The following DMXL2 variants were observed in gnomAD, a reference collection of about 807,000 sequenced individuals.
DMXL2 encodes the protein dmX-like protein 2.
DMXL2 carries 103 observed loss-of-function variants against 331.1 expected under a neutral mutation model. The observed-to-expected ratio is 0.31, with a 90% CI of 0.27 to 0.37. The LOEUF is 0.37. DMXL2 is among the 10% of genes least tolerant of loss of function. DMXL2 has a pLI of 1.00. For synonymous variants in DMXL2, 1,281 were observed against 1,252.1 expected (o/e 1.02, Z -0.49); for missense variants, 3,171 against 3,642.9 (o/e 0.87, Z 3.33).
At position 51,580,039 on chromosome 15, in the gene DMXL2, G is replaced by T. The variant is rs556452059; in HGVS notation, c.88-3858C>A. ...TTGCATTGCCCTACCTCTATTCCAT[G>T]AAGATCCTGTTGGTGCTAGAAGGAG... On this transcript the variant is annotated intron_variant, in intron 1 of 43. Transcript: ENST00000560891. Among the ~76,000 whole-genome samples the T allele has an allele frequency of 1.2e-3, 180 of 152,242 alleles. 2 individuals carry two copies. Among genetic ancestry groups the T allele is most frequent in the African/African-American group, 4.3e-3 (179 of 41,548 alleles).
At chr15:51,478,167 T>C (rs923314642) in intron 26 of DMXL2, 104 bp downstream of exon 26, 1 of 801,594 alleles carries the variant, frequency 1.2e-6, no homozygotes, top group Non-Finnish European at 1.9e-6. Context: ...ATGGCTGTCA[T>C]ATTTAGGGAT....
chr15:51,462,588 C>T (rs1019072937), intron 33 of DMXL2, among the ~76,000 whole-genome samples: 29 of 152,122 alleles, frequency 1.9e-4, no homozygotes, highest in African/African-American at 6.8e-4. Context: ...CTGCCCGCCT[C>T]GGCCTCCCAA....
intron 33 of DMXL2, among the ~76,000 whole-genome samples, chr15:51,462,571 A>C (rs1231006222): frequency 6.6e-6 from 1 of 152,148 alleles, no homozygotes; most frequent in African/African-American, 2.4e-5. Flanking sequence ...TCCTGACTTC[A>C]GGTGATCTGC....
intron 1 of DMXL2, among the ~76,000 whole-genome samples, chr15:51,597,605 C>T (rs1268118693): frequency 1.3e-5 from 2 of 152,164 alleles, no homozygotes; most frequent in Non-Finnish European, 1.5e-5. Flanking sequence ...TATGAACATT[C>T]TTGTAGGGAA....
At chr15:51,532,430 A>G (rs879579338) in intron 13 of DMXL2, among the ~76,000 whole-genome samples, 5 of 152,146 alleles carry the variant, frequency 3.3e-5, no homozygotes, top group East Asian at 1.9e-4. Flanking sequence ...AATGTGTACA[A>G]AAAAATAGTT....
At position 51,575,911 on chromosome 15, in the gene DMXL2, A is replaced by G. The variant is rs2050994542; in HGVS notation, c.213+145T>C. The G allele has an allele frequency of 5.2e-6, 4 of 763,780 alleles. No homozygotes were observed. In the Admixed American group the frequency reaches 1.1e-4, roughly 21 times the overall value. The allele number at this position is 763,780 out of a possible 1,614,324, so 47.3% of individuals were successfully genotyped here. A position where few individuals can be genotyped will look rare whatever the true frequency, so the allele number is the denominator to read the frequency against. Reference sequence around the variant, plus strand: ...TAATGGCACTTTACAATTTGTATAAACCTATCACTTTGCAACTTCTGCTAA... The same window carrying G: ...TAATGGCACTTTACAATTTGTATAAGCCTATCACTTTGCAACTTCTGCTAA... On this transcript the variant is annotated intron_variant, in intron 2 of 43. Coordinates refer to ENST00000560891, the MANE Select transcript of DMXL2 (RefSeq NM_001378457.1).
chr15:51,496,667 A>G (rs530439067), intron 18 of DMXL2, among the ~76,000 whole-genome samples: 2 of 152,348 alleles, frequency 1.3e-5, no homozygotes, highest in Non-Finnish European at 2.9e-5. Flanking sequence ...AGCAGTTAGG[A>G]GATGACAGGG....
At chr15:51,459,540 A>C (rs564456641) in intron 34 of DMXL2, 58 bp downstream of exon 34, 34 of 1,261,364 alleles carry the variant, frequency 2.7e-5, no homozygotes, top group Non-Finnish European at 3.3e-5. Context: ...ATCAGAGATG[A>C]GGCGTTAGCT....
At chr15:51,581,735 GACC>G (rs2051434626) in intron 1 of DMXL2, among the ~76,000 whole-genome samples, 1 of 152,086 alleles carries the variant, frequency 6.6e-6, no homozygotes, top group Non-Finnish European at 1.5e-5. Context: ...AAACAAACAT[GACC>G]ACATTTCCTA....
chr15:51,589,293 A>G (rs1002858564), intron 1 of DMXL2, among the ~76,000 whole-genome samples: 3 of 152,236 alleles, frequency 2.0e-5, no homozygotes, highest in African/African-American at 7.2e-5. Flanking sequence ...TCAGATGCCC[A>G]AAGACAAGAA....
chr15:51,610,723 G>A (rs551571979), intron 1 of DMXL2, among the ~76,000 whole-genome samples: 17 of 151,040 alleles, frequency 1.1e-4, no homozygotes, highest in African/African-American at 3.2e-4. Context: ...AGCCGAGATC[G>A]CGCCACTGCA....
intron 2 of DMXL2, among the ~76,000 whole-genome samples, chr15:51,570,558 C>G (rs2050598926): frequency 1.3e-5 from 2 of 152,062 alleles, no homozygotes; most frequent in Non-Finnish European, 2.9e-5. Context: ...GTCGGGTTAC[C>G]CACAAAGGGA....
chr15:51,613,214 A>T (rs2054089880), intron 1 of DMXL2, among the ~76,000 whole-genome samples: 1 of 152,232 alleles, frequency 6.6e-6, no homozygotes. Flanking sequence ...TAAGAGATTA[A>T]AGTAAAGACA....
At chr15:51,519,913 G>C (rs919153124) in intron 13 of DMXL2, among the ~76,000 whole-genome samples, 1 of 152,086 alleles carries the variant, frequency 6.6e-6, no homozygotes, top group African/African-American at 2.4e-5. Context: ...AAAATGCTAG[G>C]ATTACAGGGT....
intron 20 of DMXL2, among the ~76,000 whole-genome samples, chr15:51,489,439 T>C (rs1300575322): frequency 6.6e-6 from 1 of 152,084 alleles, no homozygotes; most frequent in Non-Finnish European, 1.5e-5. Context: ...GGCAGATCAC[T>C]TGAGGTCAGG....
chr15:51,491,843 G>T, intron 19 of DMXL2, 96 bp from the exon 20 acceptor site: 1 of 1,046,004 alleles, frequency 9.6e-7, no homozygotes. Flanking sequence ...ATTTTGGAAA[G>T]AATTTTGAAG....
At chr15:51,527,723 A>C (rs1441875099) in intron 13 of DMXL2, among the ~76,000 whole-genome samples, 1 of 144,668 alleles carries the variant, frequency 6.9e-6, no homozygotes, top group Non-Finnish European at 1.5e-5. Flanking sequence ...TTCTGCCTCC[A>C]AAAAAAAAAA....
At chr15:51,591,483 T>A (rs2052331478) in intron 1 of DMXL2, among the ~76,000 whole-genome samples, 1 of 152,144 alleles carries the variant, frequency 6.6e-6, no homozygotes, top group Non-Finnish European at 1.5e-5. Flanking sequence ...CCTGCCTGCC[T>A]CTGTAGACTC....
At position 51,486,317 on chromosome 15, in the gene DMXL2, T is replaced by C; in HGVS notation, c.5238A>G (p.Glu1746=). Residue 1746 remains glutamate, a synonymous_variant, in exon 23 of 44, where the codon GAA becomes GAG. Coordinates refer to ENST00000560891, the MANE Select transcript of DMXL2 (RefSeq NM_001378457.1). The part of the protein sequence containing the change: ...DAIEVCLEKM[E]DIQLAMVIAR... ...CAATAACCATGGCTAGCTGAATATC[T>C]TCCATTTTTTCAAGACATACCTGCA... 1 of 1,594,316 alleles carries C rather than the reference T, an allele frequency of 6.3e-7. No individual in the cohort carries two copies. The highest frequency in any genetic ancestry group is 8.6e-7 in the Non-Finnish European group (1 of 1,163,730).
Sources: allele counts gnomAD v4.1 joint callset (sites outside exome capture counted in the v4.1 genomes callset), GRCh38; gene constraint gnomAD v4.1.1; transcripts MANE v1.5; gene names NCBI Gene and HGNC (gene_info 2026-07-23, HGNC 2026-07-21).